Variants in NEBL observed in about 807,000 individuals in gnomAD.
The protein encoded by NEBL is nebulette.
NEBL carries 122 observed loss-of-function variants against 140.2 expected under a neutral mutation model. The observed-to-expected ratio is 0.87, with a 90% CI of 0.75 to 1.01. The LOEUF (loss-of-function observed/expected upper bound fraction) is 1.01, where lower values mean the gene tolerates loss of function less well. Ranked by LOEUF, NEBL falls within the 50% of genes least tolerant of loss-of-function variation. The probability of loss-of-function intolerance (pLI) is 0.00; values close to 1 mark genes in which losing one functional copy is unlikely to be tolerated. For synonymous variants in NEBL, 436 were observed against 398.9 expected, an observed-to-expected ratio of 1.09 and a Z score of -1.11; for missense variants, 1,365 against 1,231.3, an observed-to-expected ratio of 1.11 and a Z score of -1.62.
At chr10:20,870,338 A>AAC (rs1554793572) in intron 5 of NEBL, among the ~76,000 whole-genome samples, 1 of 151,710 alleles carries the variant, frequency 6.6e-6, no homozygotes, top group African/African-American at 2.4e-5. Flanking sequence ...AAAAAAAAAA[A>AAC]AAAAAAACTT....
chr10:21,027,727 T>C (rs1833575001), intron 2 of NEBL, among the ~76,000 whole-genome samples: 1 of 152,154 alleles, frequency 6.6e-6, no homozygotes, highest in Admixed American at 6.5e-5. Flanking sequence ...GAGACCAATC[T>C]CTTTGCTGGG....
intron 26 of NEBL, among the ~76,000 whole-genome samples, chr10:20,804,136 G>A (rs1053783600): frequency 3.9e-5 from 6 of 152,054 alleles, no homozygotes; most frequent in Admixed American, 6.6e-5. Flanking sequence ...TGGGCATGCA[G>A]AGAGAGACAA....
At chr10:21,049,732 C>T (rs1297669838) in intron 2 of NEBL, among the ~76,000 whole-genome samples, 2 of 152,234 alleles carry the variant, frequency 1.3e-5, no homozygotes, top group Non-Finnish European at 2.9e-5. Flanking sequence ...TCTCCCCCTA[C>T]TGCAGTGACA....
intron 4 of NEBL, among the ~76,000 whole-genome samples, chr10:20,929,825 C>G (rs1227915180): frequency 6.6e-6 from 1 of 152,112 alleles, no homozygotes; most frequent in African/African-American, 2.4e-5. Flanking sequence ...ACAGTGTATA[C>G]TATTGGGGTG....
At chr10:20,813,864 G>C (rs1284137041) in intron 23 of NEBL, 75 bp downstream of exon 23, 4 of 960,308 alleles carry the variant, frequency 4.2e-6, no homozygotes, top group Non-Finnish European at 6.8e-6. Flanking sequence ...CGGATTAATA[G>C]TGAAGTAATG....
chr10:21,260,604 C>G (rs546806038), intron 1 of NEBL, among the ~76,000 whole-genome samples: 13 of 152,094 alleles, frequency 8.5e-5, no homozygotes, highest in Non-Finnish European at 1.5e-4. Flanking sequence ...TCACTATGTT[C>G]CCCTGTTTTC....
At chr10:21,119,212 A>G (rs1838413676) in intron 2 of NEBL, among the ~76,000 whole-genome samples, 1 of 152,118 alleles carries the variant, frequency 6.6e-6, no homozygotes, top group African/African-American at 2.4e-5. Context: ...TTAACAGCTC[A>G]ACATTTTTCT....
At chr10:21,262,766 A>G (rs1170967304) in intron 1 of NEBL, among the ~76,000 whole-genome samples, 1 of 152,190 alleles carries the variant, frequency 6.6e-6, no homozygotes, top group Non-Finnish European at 1.5e-5. Context: ...AGCATCTGCC[A>G]TCCCTCCCTG....
intron 2 of NEBL, among the ~76,000 whole-genome samples, chr10:21,127,012 G>C (rs954691110): frequency 3.7e-5 from 5 of 134,970 alleles, no homozygotes; most frequent in Non-Finnish European, 8.1e-5. Context: ...ACTGGCCAAA[G>C]ATGGGACAAT....
At chr10:20,962,119 G>C (rs1836078975) in intron 3 of NEBL, among the ~76,000 whole-genome samples, 1 of 152,146 alleles carries the variant, frequency 6.6e-6, no homozygotes, top group Non-Finnish European at 1.5e-5. Context: ...AAACAAGTAA[G>C]TACTCCATAA....
At chr10:20,908,892 T>C (rs541681336) in intron 4 of NEBL, among the ~76,000 whole-genome samples, 51 of 152,358 alleles carry the variant, frequency 3.3e-4, no homozygotes, top group Non-Finnish European at 6.8e-4. Context: ...CTTACCTGTA[T>C]GTTGATGTAC....
At chr10:21,052,587 G>T (rs1834826351) in intron 2 of NEBL, among the ~76,000 whole-genome samples, 1 of 152,164 alleles carries the variant, frequency 6.6e-6, no homozygotes, top group Non-Finnish European at 1.5e-5. Flanking sequence ...GGTCAGCGGG[G>T]TATAGAAGCT....
chr10:21,010,247 T>C (rs1046293464), intron 3 of NEBL, among the ~76,000 whole-genome samples: 1 of 152,094 alleles, frequency 6.6e-6, no homozygotes, highest in Non-Finnish European at 1.5e-5. Context: ...GTTTTTGTTT[T>C]GTTTCATTTT....
chr10:20,857,851 A>G (rs1191508779), intron 9 of NEBL, among the ~76,000 whole-genome samples: 1 of 152,182 alleles, frequency 6.6e-6, no homozygotes, highest in African/African-American at 2.4e-5. Context: ...ACAATTTTTC[A>G]TGCTACTGAA....
In NEBL at chr10:20,910,730, A is replaced by T. The variant is rs551634142; in HGVS notation, c.357+50942T>A. 7.0e-4 allele frequency among the ~76,000 whole-genome samples: 107 copies of T among 152,330 alleles called. 2 individuals carry two copies. The South Asian group carries it at 0.015, about 22-fold the overall frequency. On this transcript the variant is annotated intron_variant, in intron 4 of 6. Coordinates refer to the NEBL transcript ENST00000417816. ...GATTACCAAATTTATCTACCTATCTACTAATCACCAGGGTACAAGGAATTC... is the reference window on the plus strand; with the variant it reads ...GATTACCAAATTTATCTACCTATCTTCTAATCACCAGGGTACAAGGAATTC...
intron 3 of NEBL, among the ~76,000 whole-genome samples, chr10:20,997,471 T>TGAAAAAAAA (rs1837713554): frequency 4.0e-5 from 1 of 25,168 alleles, no homozygotes; most frequent in Non-Finnish European, 1.1e-4. Context: ...ACAGTCTCAG[T>TGAAAAAAAA]AAAAAAAAAA....
chr10:20,974,317 A>C (rs947236848), intron 3 of NEBL, among the ~76,000 whole-genome samples: 1 of 148,770 alleles, frequency 6.7e-6, no homozygotes, highest in Non-Finnish European at 1.5e-5. Context: ...GCAGTGGTGC[A>C]GTCTTGGCTC....
chr10:20,906,042 G>GT (rs1848078521), intron 4 of NEBL, among the ~76,000 whole-genome samples: 1 of 152,128 alleles, frequency 6.6e-6, no homozygotes, highest in Non-Finnish European at 1.5e-5. Context: ...TACTCTTTGT[G>GT]TATGTGGACT....
intron 2 of NEBL, among the ~76,000 whole-genome samples, chr10:21,038,455 T>C (rs1436295951): frequency 6.6e-6 from 1 of 150,712 alleles, no homozygotes; most frequent in Non-Finnish European, 1.5e-5. Context: ...AGTGAGAACA[T>C]GCAGTGTTTG....
Sources: allele counts gnomAD v4.1 joint callset (sites outside exome capture counted in the v4.1 genomes callset), GRCh38; gene constraint gnomAD v4.1.1; transcripts MANE v1.5; gene names NCBI Gene and HGNC (gene_info 2026-07-23, HGNC 2026-07-21).